Variants in SOX5 observed in about 807,000 individuals in gnomAD.
SOX5 encodes the protein SRY-box transcription factor 5.
Under a neutral mutation model 92.0 loss-of-function variants are expected in SOX5, and 9 were observed. That is an observed-to-expected ratio of 0.10 (90% confidence interval 0.06 to 0.17). The LOEUF (loss-of-function observed/expected upper bound fraction) is 0.17. SOX5 is among the 10% of genes least tolerant of loss of function. The probability of loss-of-function intolerance (pLI) is 1.00; values close to 1 mark genes in which losing one functional copy is unlikely to be tolerated. For missense variants in SOX5, 642 were observed against 944.5 expected, an observed-to-expected ratio of 0.68 and a Z score of 4.20; for synonymous variants, 344 against 336.3, an observed-to-expected ratio of 1.02 and a Z score of -0.25.
intron 6 of SOX5, among the ~76,000 whole-genome samples, chr12:23,719,511 C>T (rs922123146): frequency 2.6e-5 from 4 of 151,952 alleles, no homozygotes; most frequent in African/African-American, 7.3e-5. Context: ...TTTGGGAAGC[C>T]GAGGCATGAG....
At chr12:24,375,470 C>T (rs1351960672) in intron 1 of SOX5, among the ~76,000 whole-genome samples, 1 of 151,792 alleles carries the variant, frequency 6.6e-6, no homozygotes, top group African/African-American at 2.4e-5. Context: ...TGCGGTGGCT[C>T]ACGCCTGTAA....
chr12:24,070,742 TAAAATA>T (rs1308315917), intron 4 of SOX5, among the ~76,000 whole-genome samples: 1 of 152,164 alleles, frequency 6.6e-6, no homozygotes, highest in African/African-American at 2.4e-5. Context: ...TTGTATTCAG[TAAAATA>T]AAAGAATCTT....
intron 4 of SOX5, among the ~76,000 whole-genome samples, chr12:24,004,009 T>C (rs1020661914): frequency 2.8e-4 from 42 of 152,090 alleles, no homozygotes; most frequent in African/African-American, 9.6e-4. Flanking sequence ...TACAGTCAAT[T>C]GATTTATTTT....
At chr12:23,621,253 A>G (rs1308724095) in intron 8 of SOX5, among the ~76,000 whole-genome samples, 1 of 152,128 alleles carries the variant, frequency 6.6e-6, no homozygotes, top group South Asian at 2.1e-4. Flanking sequence ...GCAAATTCAC[A>G]GAGACAGAAA....
chr12:24,456,892 A>G (rs1943079628), intron 1 of SOX5, among the ~76,000 whole-genome samples: 1 of 152,240 alleles, frequency 6.6e-6, no homozygotes, highest in Non-Finnish European at 1.5e-5. Context: ...TCATAGTGCC[A>G]AAATAAATCA....
At chr12:24,367,714 C>T (rs913027967) in intron 2 of SOX5, among the ~76,000 whole-genome samples, 3 of 152,042 alleles carry the variant, frequency 2.0e-5, no homozygotes, top group African/African-American at 4.8e-5. Context: ...TGATCAGAAC[C>T]GCATTCTCAG....
intron 4 of SOX5, among the ~76,000 whole-genome samples, chr12:24,141,702 GT>G (rs1950599105): frequency 7.6e-6 from 1 of 130,770 alleles, no homozygotes; most frequent in African/African-American, 2.5e-5. Context: ...CTATAAATTG[GT>G]TTATTATTTA....
chr12:24,496,647 T>C (rs1947668060), intron 1 of SOX5, among the ~76,000 whole-genome samples: 1 of 151,986 alleles, frequency 6.6e-6, no homozygotes. Flanking sequence ...TATTTAAGAG[T>C]TGGAAAAGAA....
chr12:23,668,964 T>A (rs914324282), intron 6 of SOX5, among the ~76,000 whole-genome samples: 40 of 152,206 alleles, frequency 2.6e-4, no homozygotes, highest in African/African-American at 8.7e-4. Context: ...AATGTTCTAT[T>A]GTTGAAACAT....
At chr12:24,361,890 TTTC>T (rs1244928100) in intron 2 of SOX5, among the ~76,000 whole-genome samples, 2 of 152,198 alleles carry the variant, frequency 1.3e-5, no homozygotes, top group Non-Finnish European at 2.9e-5. Flanking sequence ...TAGAATAGGC[TTTC>T]TTCTTCTACT....
intron 2 of SOX5, among the ~76,000 whole-genome samples, chr12:24,341,072 G>C (rs542856969): frequency 6.6e-6 from 1 of 152,210 alleles, no homozygotes; most frequent in Non-Finnish European, 1.5e-5. Flanking sequence ...TTATAAAAAT[G>C]TCATAGTACA....
intron 8 of SOX5, among the ~76,000 whole-genome samples, chr12:23,613,500 T>G (rs1437219718): frequency 6.6e-6 from 1 of 152,152 alleles, no homozygotes; most frequent in African/African-American, 2.4e-5. Context: ...CCTGGTAATT[T>G]TACTTTTGGT....
At chr12:23,845,733 A>G (rs1180840591) in intron 3 of SOX5, among the ~76,000 whole-genome samples, 3 of 152,186 alleles carry the variant, frequency 2.0e-5, no homozygotes, top group Non-Finnish European at 4.4e-5. Flanking sequence ...CTATTCTTGA[A>G]TCTTTTTCAT....
intron 3 of SOX5, among the ~76,000 whole-genome samples, chr12:24,215,404 T>C (rs1019844585): frequency 6.6e-6 from 1 of 152,060 alleles, no homozygotes; most frequent in African/African-American, 2.4e-5. Context: ...TTCAGTAAGG[T>C]TGCAGGATAG....
rs77700015 is a variant in SOX5, at chr12:23,901,094, G to A, written c.39-5070C>T. ...AATTAAGTATTTTGAAATTTGAAATGGGGAGATTATTCTGAATATTGTTGG... is the reference window on the plus strand; with the variant it reads ...AATTAAGTATTTTGAAATTTGAAATAGGGAGATTATTCTGAATATTGTTGG... On this transcript the variant is annotated intron_variant, in intron 1 of 14. Transcript: ENST00000451604. 6.8e-3 allele frequency among the ~76,000 whole-genome samples: 1,038 copies of A among 152,264 alleles called. 16 individuals carry two copies. The highest frequency in any genetic ancestry group is 0.024 in the African/African-American group (992 of 41,544).
intron 6 of SOX5, among the ~76,000 whole-genome samples, chr12:23,698,122 G>T (rs2090136065): frequency 1.3e-5 from 2 of 152,092 alleles, no homozygotes; most frequent in African/African-American, 4.8e-5. Context: ...TTCATGTAGA[G>T]TCTAAGAAGA....
intron 4 of SOX5, among the ~76,000 whole-genome samples, chr12:23,754,558 T>C (rs1052972367): frequency 2.1e-4 from 32 of 151,940 alleles, no homozygotes; most frequent in African/African-American, 7.2e-4. Context: ...CAAGTAATCA[T>C]AGCCTAAATA....
chr12:24,507,075 C>T (rs1163802437), intron 1 of SOX5, among the ~76,000 whole-genome samples: 2 of 152,012 alleles, frequency 1.3e-5, no homozygotes, highest in African/African-American at 4.8e-5. Context: ...CAGGCATCAG[C>T]CACCGCGCCC....
chr12:23,560,268 G>A (rs924871456), intron 11 of SOX5, among the ~76,000 whole-genome samples: 3 of 152,130 alleles, frequency 2.0e-5, no homozygotes, highest in Admixed American at 2.0e-4. Context: ...AGTGATATAA[G>A]ATAATAGTGC....
Sources: allele counts gnomAD v4.1 joint callset (sites outside exome capture counted in the v4.1 genomes callset), GRCh38; gene constraint gnomAD v4.1.1; transcripts MANE v1.5; gene names NCBI Gene and HGNC (gene_info 2026-07-23, HGNC 2026-07-21).